The following DAW1 variants were observed in gnomAD, a reference collection of about 807,000 sequenced individuals.
The protein encoded by DAW1 is dynein assembly factor with WD repeat domains 1.
Under a neutral mutation model 56.5 loss-of-function variants are expected in DAW1, and 47 were observed. That is an observed-to-expected ratio of 0.83 (90% CI 0.66 to 1.06). DAW1 has a LOEUF of 1.06. DAW1 is among the 50% of genes least tolerant of loss of function. DAW1 has a pLI of 0.00. For missense variants in DAW1, 505 were observed against 499.3 expected, an observed-to-expected ratio of 1.01 and a Z score of -0.11; for synonymous variants, 190 against 179.0, an observed-to-expected ratio of 1.06 and a Z score of -0.49.
At chr2:227,908,269 C>T (rs1408656902) in intron 10 of DAW1, among the ~76,000 whole-genome samples, 3 of 152,200 alleles carry the variant, frequency 2.0e-5, no homozygotes, top group Non-Finnish European at 4.4e-5. Context: ...TTTAAAACCA[C>T]ATTTGATGCT....
rs554028776 is a variant in DAW1 at position 227,876,009 on chromosome 2, TAGG to T, written c.40+4282_40+4284del. On this transcript the variant is annotated intron_variant, in intron 1 of 12. Coordinates refer to ENST00000309931, the MANE Select transcript of DAW1 (RefSeq NM_178821.3). ...TTGATCTACTTCAGCTCTAAATGCC[TAGG>T]ATTCTCTCTTTTTTTTTTTTTGAGA... Among the ~76,000 whole-genome samples, 303 of 139,658 alleles carry T rather than the reference TAGG, an allele frequency of 2.2e-3. 1 individual carries two copies. The highest frequency in any genetic ancestry group is 7.5e-3 in the African/African-American group (280 of 37,532). 91.6% of individuals were successfully genotyped at this position (139,658 alleles called of 152,430 possible).
chr2:227,915,767 T>G (rs2106214135), intron 10 of DAW1, among the ~76,000 whole-genome samples: 1 of 152,264 alleles, frequency 6.6e-6, no homozygotes, highest in East Asian at 1.9e-4. Context: ...CAGCCATATG[T>G]GATGCTATCT....
chr2:227,881,847 G>C (rs531978109), intron 1 of DAW1, among the ~76,000 whole-genome samples: 1 of 148,022 alleles, frequency 6.8e-6, no homozygotes, highest in Admixed American at 7.0e-5. Flanking sequence ...CCACCTCCTG[G>C]GTTCAAGCGA....
At chr2:227,890,350 G>C (rs16825801) in intron 3 of DAW1, among the ~76,000 whole-genome samples, 10 of 151,942 alleles carry the variant, frequency 6.6e-5, no homozygotes, top group Middle Eastern at 3.4e-3. Context: ...TCAACATTTC[G>C]TATTTTCTGC....
intron 11 of DAW1, among the ~76,000 whole-genome samples, chr2:227,919,868 C>A (rs544418610): frequency 7.2e-5 from 11 of 152,280 alleles, no homozygotes; most frequent in Non-Finnish European, 1.0e-4. Flanking sequence ...TTCTAAAGGC[C>A]CCTTCTAGAC....
At chr2:227,919,203 A>G (rs1212120848) in intron 11 of DAW1, among the ~76,000 whole-genome samples, 4 of 61,238 alleles carry the variant, frequency 6.5e-5, no homozygotes, top group Admixed American at 2.2e-4. Context: ...CTAGAAAAAA[A>G]AAAAAGAAAA....
rs1166660987 is a variant in DAW1 at position 227,871,730 on chromosome 2, G to GT, written c.40+2dup. ...CTCCTGCTCCGGTATTACCCGCCAG[G>GT]TACGCACCAGCCCGGCCCCGTCATC... On this transcript the variant is annotated splice_donor_variant, in intron 1 of 12. Transcript: ENST00000309931. LOFTEE classifies it high-confidence loss of function. The GT allele has an allele frequency of 1.2e-6, 2 of 1,613,836 alleles. No individual in the cohort carries two copies. The highest frequency in any genetic ancestry group is 2.7e-5 in the African/African-American group (2 of 74,946).
chr2:227,871,696 C>G lies in DAW1; in HGVS notation c.7C>G (p.Leu3Val). The G allele has an allele frequency of 6.2e-7, 1 of 1,613,822 alleles. No homozygotes were observed. MK[L>V]KSLLLRYYPP... is the part of the protein sequence containing the mutation. ...GGGATAAGAGAGCAAGAAAATGAAGCTCAAGAGCCTCCTGCTCCGGTATTA... is the reference window on the plus strand; with the variant it reads ...GGGATAAGAGAGCAAGAAAATGAAGGTCAAGAGCCTCCTGCTCCGGTATTA... The change falls in exon 1 of 13, where the codon CTC (leucine) becomes GTC (valine). Residue 3 changes from leucine (L) to valine (V), a missense_variant. Leu to Val is a conservative substitution (Grantham distance 32). Coordinates refer to ENST00000309931, the MANE Select transcript of DAW1 (RefSeq NM_178821.3).
intron 6 of DAW1, among the ~76,000 whole-genome samples, chr2:227,901,938 C>T (rs113319416): frequency 0.066 from 10,034 of 151,938 alleles, 1,128 homozygotes; most frequent in African/African-American, 0.23. Flanking sequence ...TTAGAATGGG[C>T]GGAAGGATGC....
At chr2:227,912,864 A>G (rs543247969) in intron 10 of DAW1, among the ~76,000 whole-genome samples, 2 of 152,292 alleles carry the variant, frequency 1.3e-5, no homozygotes, top group South Asian at 2.1e-4. Flanking sequence ...ATGCTACACT[A>G]TCACTCCAAA....
chr2:227,881,776 A>G (rs915916584), intron 1 of DAW1, among the ~76,000 whole-genome samples: 1 of 98,488 alleles, frequency 1.0e-5, no homozygotes, highest in African/African-American at 4.0e-5. Context: ...TTTTTGAGAT[A>G]GAGTTTCACT....
rs748799969 is a variant in DAW1, at chr2:227,891,254, G to C, written c.259-1G>C. On this transcript the variant is annotated splice_acceptor_variant, in intron 3 of 12. Transcript: ENST00000309931. LOFTEE classifies it high-confidence loss of function. Reference sequence around the variant, plus strand: ...AAAAATGGTGTTTTCTTTCACTGAAGGTTCTCAAAGCACATATATTGCCAC... The same window carrying C: ...AAAAATGGTGTTTTCTTTCACTGAACGTTCTCAAAGCACATATATTGCCAC... The C allele has an allele frequency of 1.9e-6, 3 of 1,611,742 alleles. No individual in the cohort carries two copies. The South Asian group carries it at 3.3e-5, about 18-fold the overall frequency.
At chr2:227,918,915 C>A in intron 11 of DAW1, 59 bp downstream of exon 11, 2 of 1,543,472 alleles carry the variant, frequency 1.3e-6, no homozygotes, top group South Asian at 2.2e-5. Context: ...AGAGCAGGGC[C>A]CAGGTGCAGT....
intron 1 of DAW1, among the ~76,000 whole-genome samples, chr2:227,875,019 T>A (rs1449246102): frequency 6.6e-6 from 1 of 151,180 alleles, no homozygotes; most frequent in African/African-American, 2.4e-5. Context: ...TCCCGCATAG[T>A]CCTGAGTACC....
intron 1 of DAW1, among the ~76,000 whole-genome samples, chr2:227,883,251 T>G (rs1260579235): frequency 1.3e-5 from 2 of 152,244 alleles, no homozygotes; most frequent in Non-Finnish European, 2.9e-5. Context: ...AAAACTTTTG[T>G]TTACCACCAT....
intron 1 of DAW1, among the ~76,000 whole-genome samples, chr2:227,874,219 T>C (rs1371997500): frequency 1.3e-5 from 2 of 152,160 alleles, no homozygotes; most frequent in Non-Finnish European, 2.9e-5. Flanking sequence ...CTTCTCACCA[T>C]ATACAATAAT....
chr2:227,902,867 TCA>T, intron 6 of DAW1, 133 bp from the exon 7 acceptor site: 1 of 848,794 alleles, frequency 1.2e-6, no homozygotes, highest in Non-Finnish European at 1.8e-6. Context: ...GGGTAGCAGG[TCA>T]CACATACGTG....
intron 10 of DAW1, among the ~76,000 whole-genome samples, chr2:227,912,672 T>C (rs1163108626): frequency 1.3e-5 from 2 of 152,314 alleles, no homozygotes; most frequent in East Asian, 1.9e-4. Flanking sequence ...TGTCACCTTG[T>C]TGAAAACCAT....
At chr2:227,888,547 C>T (rs76090612) in intron 2 of DAW1, among the ~76,000 whole-genome samples, 165 of 152,334 alleles carry the variant, frequency 1.1e-3, no homozygotes, top group African/African-American at 3.8e-3. Flanking sequence ...TGCCCCTGCT[C>T]AGCTGTGGAC....
Sources: gnomAD v4.1 joint callset for allele counts (sites outside exome capture counted in the v4.1 genomes callset) on GRCh38, gnomAD v4.1.1 for gene constraint, MANE v1.5 for transcripts, NCBI Gene and HGNC (gene_info 2026-07-23, HGNC 2026-07-21) for gene names.